MAP6: variants seen among roughly 807,000 people sequenced by gnomAD.
MAP6 encodes microtubule-associated protein 6.
MAP6 carries 26 observed loss-of-function variants against 42.4 expected under a neutral mutation model. The ratio of observed to expected loss-of-function variants is 0.61; its 90% confidence interval spans 0.45 to 0.85. MAP6 has a LOEUF of 0.85. Ranked by LOEUF, MAP6 falls within the 40% of genes least tolerant of loss-of-function variation. The pLI, the probability that MAP6 is intolerant of heterozygous loss-of-function variation, is 0.00. For missense variants in MAP6, 966 were observed against 1,099.0 expected, an observed-to-expected ratio of 0.88 and a Z score of 1.71; for synonymous variants, 418 against 443.8, an observed-to-expected ratio of 0.94 and a Z score of 0.73.
chr11:75,615,537 C>T (rs1942981104), intron 1 of MAP6, among the ~76,000 whole-genome samples: 1 of 149,728 alleles, frequency 6.7e-6, no homozygotes, highest in Non-Finnish European at 1.5e-5. Context: ...AGATGAAGAT[C>T]TTCCCTCCAC....
chr11:75,604,915 T>C (rs1942731723), intron 3 of MAP6: 2 of 985,308 alleles, frequency 2.0e-6, no homozygotes, highest in African/African-American at 3.5e-5. Context: ...TACGCCCCCT[T>C]GGGTCTCAGA....
chr11:75,601,794 C>T (rs912133618), intron 3 of MAP6, among the ~76,000 whole-genome samples: 1 of 151,350 alleles, frequency 6.6e-6, no homozygotes, highest in Admixed American at 6.6e-5. Flanking sequence ...AGCTACCCCC[C>T]CAGAACTGAA....
chr11:75,617,432 C>T (rs1297702018), intron 1 of MAP6, among the ~76,000 whole-genome samples: 1 of 134,992 alleles, frequency 7.4e-6, no homozygotes, highest in Admixed American at 8.5e-5. Flanking sequence ...AGGAGAATGG[C>T]TTGAACCTGG....
chr11:75,621,706 CTG>C (rs1484476969), intron 1 of MAP6, among the ~76,000 whole-genome samples: 1 of 127,338 alleles, frequency 7.9e-6, no homozygotes, highest in Non-Finnish European at 1.7e-5. Flanking sequence ...AAGACACAAA[CTG>C]TCATTATTTG....
chr11:75,604,729 A>T lies in MAP6; in HGVS notation c.1316+1079T>A, dbSNP rs897135229. On this transcript the variant is annotated intron_variant, in intron 3 of 3. Transcript: ENST00000304771. ...ACGGAATATACTGAGAGCTGCTTTT[A>T]TATATTAATGAGGTCAAAGCTGCTT... 6 of 985,342 alleles carry T rather than the reference A, an allele frequency of 6.1e-6. No individual in the cohort carries two copies. The Admixed American group carries it at 2.5e-4, about 40-fold the overall frequency. 61.0% of individuals were successfully genotyped at this position (985,342 alleles called of 1,614,324 possible).
At chr11:75,608,039 C>A (rs1001717717) in intron 2 of MAP6, 70 bp downstream of exon 2, 123 of 1,461,974 alleles carry the variant, frequency 8.4e-5, no homozygotes, top group Non-Finnish European at 1.1e-4. Context: ...AGCAGCCCAC[C>A]CCATGCTCTG....
At chr11:75,604,787 G>A (rs895432099) in intron 3 of MAP6, 1 of 985,444 alleles carries the variant, frequency 1.0e-6, no homozygotes, top group Non-Finnish European at 1.2e-6. Context: ...CTCCTAGTCT[G>A]CAGCTAAGTC....
chr11:75,661,413 TCTTA>T lies in MAP6; in HGVS notation c.905+6048_905+6051del, dbSNP rs562253063. 5.3e-5 allele frequency among the ~76,000 whole-genome samples: 8 copies of T among 152,124 alleles called. No homozygotes were observed. In the South Asian group the frequency reaches 1.7e-3, roughly 32 times the overall value. On this transcript the variant is annotated intron_variant, in intron 1 of 3. Transcript: ENST00000304771. The stretch of plus-strand genomic sequence containing the variant: ...TAAAAAAGGAAAAATTATAGGCCAA[TCTTA>T]CTTATGAATATATACGCAAGCATTT...
chr11:75,648,709 A>AT (rs1387360642), intron 1 of MAP6, among the ~76,000 whole-genome samples: 1 of 152,226 alleles, frequency 6.6e-6, no homozygotes, highest in African/African-American at 2.4e-5. Context: ...CAGAAAAAAG[A>AT]TTAGTAATCA....
At chr11:75,616,539 T>G (rs1942996819) in intron 1 of MAP6, among the ~76,000 whole-genome samples, 1 of 152,238 alleles carries the variant, frequency 6.6e-6, no homozygotes. Context: ...AGTCACTGAA[T>G]GCTGTCGGTT....
At position 75,614,314 on chromosome 11, in the gene MAP6, T is replaced by C. The variant is rs551867863; in HGVS notation, c.906-5992A>G. On this transcript the variant is annotated intron_variant, in intron 1 of 3. Transcript: ENST00000304771. ...ATGGCATCCATATAACTTCCTACAA[T>C]ATGCCCACAAGTTCTTTGATACTTC... 5.9e-5 allele frequency among the ~76,000 whole-genome samples: 9 copies of C among 152,308 alleles called. No homozygotes were observed. In the South Asian group the frequency reaches 1.9e-3, roughly 32 times the overall value.
Position 75,587,858 on chromosome 11 carries a change from A to G in MAP6, c.1643T>C (p.Val548Ala). ...TGGTACCACAGAGCCTTGATCCTTA[A>G]CTTTTGCTGGAACCATAGGACTTTG... Reference protein sequence around the residue: ...KNQSPMVPAKVKDQGSVVPES... With the variant: ...KNQSPMVPAKAKDQGSVVPES... Residue 548 changes from valine to alanine, a missense_variant, in exon 4 of 4, where the codon GTT (valine) becomes GCT (alanine). Transcript: ENST00000304771. The G allele has an allele frequency of 6.2e-7, 1 of 1,614,074 alleles. No individual in the cohort carries two copies. Among genetic ancestry groups the G allele is most frequent in the Non-Finnish European group, 8.5e-7 (1 of 1,180,008 alleles).
intron 1 of MAP6, among the ~76,000 whole-genome samples, chr11:75,651,832 T>G (rs1943651236): frequency 6.6e-6 from 1 of 152,230 alleles, no homozygotes; most frequent in Non-Finnish European, 1.5e-5. Flanking sequence ...GGGGGTTACT[T>G]GCTACTTAAA....
intron 1 of MAP6, among the ~76,000 whole-genome samples, chr11:75,619,199 TATGG>T (rs1423776005): frequency 6.6e-6 from 1 of 152,166 alleles, no homozygotes; most frequent in Non-Finnish European, 1.5e-5. Context: ...CCTGTGTATG[TATGG>T]ATGTTTTTGT....
At chr11:75,635,611 G>A (rs1052856314) in intron 1 of MAP6, among the ~76,000 whole-genome samples, 9 of 152,194 alleles carry the variant, frequency 5.9e-5, no homozygotes, top group African/African-American at 1.7e-4. Flanking sequence ...TAAACATGGC[G>A]TTTGAAACCA....
In MAP6 at chr11:75,614,927, G is replaced by C. The variant is rs543992101; in HGVS notation, c.906-6605C>G. Among the ~76,000 whole-genome samples, 27 of 152,316 alleles carry C rather than the reference G, an allele frequency of 1.8e-4. No individual in the cohort carries two copies. The East Asian group carries it at 5.0e-3, about 28-fold the overall frequency. On this transcript the variant is annotated intron_variant, in intron 1 of 3. Transcript: ENST00000304771. Reference sequence around the variant, plus strand: ...AGAGCTGCAGCATGACCTTAATGGAGAGAAGTCATACTCTGTTGTAAGAAA... The same window carrying C: ...AGAGCTGCAGCATGACCTTAATGGACAGAAGTCATACTCTGTTGTAAGAAA...
intron 1 of MAP6, among the ~76,000 whole-genome samples, chr11:75,651,619 C>T (rs1201964244): frequency 2.6e-5 from 4 of 152,184 alleles, no homozygotes; most frequent in Admixed American, 2.6e-4. Context: ...AATGGTGACT[C>T]CTGTACCTTG....
In MAP6 at chr11:75,625,226, T is replaced by C. The variant is rs187753716; in HGVS notation, c.906-16904A>G. On this transcript the variant is annotated intron_variant, in intron 1 of 3. Coordinates refer to ENST00000304771, the MANE Select transcript of MAP6 (RefSeq NM_033063.2). ...CAGCCACAGCGCTTGGAGTCATCTT[T>C]AGAGGCATTTTCCAGGCAGCCTGGG... Among the ~76,000 whole-genome samples, 400 of 152,276 alleles carry C rather than the reference T, an allele frequency of 2.6e-3. 2 individuals carry two copies. Among genetic ancestry groups the C allele is most frequent in the African/African-American group, 9.4e-3 (389 of 41,564 alleles).
At chr11:75,624,760 G>C (rs77755217) in intron 1 of MAP6, among the ~76,000 whole-genome samples, 2,248 of 152,214 alleles carry the variant, frequency 0.015, 66 homozygotes, top group East Asian at 0.13. Flanking sequence ...CTTTCGAAAG[G>C]CATGATCACC....
Sources: allele counts gnomAD v4.1 joint callset (sites outside exome capture counted in the v4.1 genomes callset), GRCh38; gene constraint gnomAD v4.1.1; transcripts MANE v1.5; gene names NCBI Gene and HGNC (gene_info 2026-07-23, HGNC 2026-07-21).